The following EFCAB6 variants were observed in gnomAD, a reference collection of about 807,000 sequenced individuals.
The protein encoded by EFCAB6 is EF-hand calcium binding domain 6.
Under a neutral mutation model 169.8 loss-of-function variants are expected in EFCAB6, and 156 were observed. The observed-to-expected ratio is 0.92, with a 90% CI of 0.81 to 1.05. EFCAB6 has a LOEUF of 1.05. Ranked by LOEUF, EFCAB6 falls within the 50% of genes least tolerant of loss-of-function variation. The probability of loss-of-function intolerance (pLI) is 0.00; values close to 1 mark genes in which losing one functional copy is unlikely to be tolerated. For missense variants in EFCAB6, 1,800 were observed against 1,829.1 expected (o/e 0.98, Z 0.29); for synonymous variants, 698 against 676.4 (o/e 1.03, Z -0.50).
intron 17 of EFCAB6, among the ~76,000 whole-genome samples, chr22:43,665,569 G>A (rs1381800851): frequency 1.3e-5 from 2 of 152,294 alleles, no homozygotes; most frequent in Middle Eastern, 3.4e-3. Context: ...CGTAGCTCAG[G>A]GTGAAATAAA....
intron 3 of EFCAB6, among the ~76,000 whole-genome samples, chr22:43,779,034 G>GC (rs1428722142): frequency 1.3e-5 from 2 of 152,126 alleles, no homozygotes; most frequent in South Asian, 2.1e-4. Context: ...AAATATGTTG[G>GC]CAAGATGAAA....
intron 13 of EFCAB6, among the ~76,000 whole-genome samples, chr22:43,675,778 G>A (rs900760845): frequency 6.8e-6 from 1 of 148,084 alleles, no homozygotes; most frequent in African/African-American, 2.5e-5. Flanking sequence ...AATGTATGAT[G>A]TAATTATATA....
intron 20 of EFCAB6, among the ~76,000 whole-genome samples, chr22:43,620,678 C>T (rs972573861): frequency 2.0e-5 from 3 of 151,982 alleles, no homozygotes; most frequent in Non-Finnish European, 4.4e-5. Flanking sequence ...ATGGTAAATA[C>T]CTAGGAAATT....
intron 17 of EFCAB6, among the ~76,000 whole-genome samples, chr22:43,657,364 G>A (rs1249368627): frequency 6.6e-6 from 1 of 151,850 alleles, no homozygotes; most frequent in African/African-American, 2.4e-5. Context: ...AGGATAGACT[G>A]AAGTCATTTA....
intron 24 of EFCAB6, among the ~76,000 whole-genome samples, chr22:43,584,361 CT>C (rs1383391935): frequency 2.0e-5 from 3 of 152,162 alleles, no homozygotes; most frequent in Non-Finnish European, 4.4e-5. Flanking sequence ...ACATGGTAAT[CT>C]TGGCAAATTC....
At chr22:43,606,117 T>G (rs2052901868) in intron 22 of EFCAB6, among the ~76,000 whole-genome samples, 1 of 152,188 alleles carries the variant, frequency 6.6e-6, no homozygotes, top group African/African-American at 2.4e-5. Context: ...ACTGGACTTT[T>G]CTATGGCCTC....
intron 19 of EFCAB6, among the ~76,000 whole-genome samples, chr22:43,631,669 T>C (rs114634595): frequency 0.013 from 1,991 of 152,164 alleles, 76 homozygotes; most frequent in African/African-American, 0.046. Context: ...TGTCTGGGAT[T>C]AGACCGAGCT....
chr22:43,690,290 G>A (rs1030413041), intron 10 of EFCAB6, among the ~76,000 whole-genome samples: 156 of 147,680 alleles, frequency 1.1e-3, no homozygotes, highest in African/African-American at 3.5e-3. Context: ...ACGAGGTCAG[G>A]AGATCGAGAC....
intron 23 of EFCAB6, 92 bp downstream of exon 23, chr22:43,599,977 T>C: frequency 1.5e-6 from 2 of 1,346,720 alleles, no homozygotes; most frequent in African/African-American, 1.5e-5. Flanking sequence ...TTTGCCAGCA[T>C]GGGAAGGTAC....
At chr22:43,673,902 G>A (rs1389455780) in intron 13 of EFCAB6, among the ~76,000 whole-genome samples, 1 of 151,692 alleles carries the variant, frequency 6.6e-6, no homozygotes, top group Non-Finnish European at 1.5e-5. Flanking sequence ...GGGAGGCAGA[G>A]CTTGCAGTGA....
intron 17 of EFCAB6, among the ~76,000 whole-genome samples, chr22:43,644,633 A>C (rs1454440190): frequency 6.6e-6 from 1 of 152,250 alleles, no homozygotes; most frequent in African/African-American, 2.4e-5. Flanking sequence ...GCTAATAGCA[A>C]TCACAAAGTC....
At chr22:43,586,785 T>C (rs1360655966) in intron 24 of EFCAB6, among the ~76,000 whole-genome samples, 1 of 152,160 alleles carries the variant, frequency 6.6e-6, no homozygotes, top group Non-Finnish European at 1.5e-5. Context: ...GCCCTCGTTA[T>C]GAATGCACAC....
At chr22:43,667,552 T>A (rs1048388551) in intron 16 of EFCAB6, among the ~76,000 whole-genome samples, 2 of 152,080 alleles carry the variant, frequency 1.3e-5, no homozygotes, top group African/African-American at 2.4e-5. Flanking sequence ...AATATTATGG[T>A]CCTCGAGATT....
intron 8 of EFCAB6, among the ~76,000 whole-genome samples, chr22:43,718,934 G>A (rs1019489717): frequency 6.6e-6 from 1 of 152,212 alleles, no homozygotes; most frequent in Non-Finnish European, 1.5e-5. Flanking sequence ...CACAGAAGCG[G>A]GACCTGAAGT....
At chr22:43,808,047 C>T (rs990530496) in intron 2 of EFCAB6, among the ~76,000 whole-genome samples, 2 of 152,184 alleles carry the variant, frequency 1.3e-5, no homozygotes, top group Non-Finnish European at 2.9e-5. Context: ...CGTCCATATC[C>T]ATGGGTTCCA....
At chr22:43,602,080 G>T (rs896476475) in intron 22 of EFCAB6, among the ~76,000 whole-genome samples, 2 of 152,248 alleles carry the variant, frequency 1.3e-5, no homozygotes, top group Non-Finnish European at 2.9e-5. Flanking sequence ...TCTTCACCTG[G>T]CAAGGCCCTT....
At chr22:43,709,330 C>A (rs1425725468) in intron 10 of EFCAB6, among the ~76,000 whole-genome samples, 1 of 152,184 alleles carries the variant, frequency 6.6e-6, no homozygotes, top group Non-Finnish European at 1.5e-5. Flanking sequence ...GATCCACCTG[C>A]TTTGGCCTCC....
chr22:43,535,576 C>G (rs2047338405), intron 29 of EFCAB6: 1 of 152,270 alleles, frequency 6.6e-6, no homozygotes, highest in African/African-American at 2.4e-5. Flanking sequence ...GGCACTCATC[C>G]TCATGCCGCA....
At chr22:43,734,769 C>T (rs911803082) in intron 7 of EFCAB6, among the ~76,000 whole-genome samples, 1 of 151,974 alleles carries the variant, frequency 6.6e-6, no homozygotes, top group Non-Finnish European at 1.5e-5. Flanking sequence ...AAAAGAGAAA[C>T]AGATGCTATT....
Sources: allele counts gnomAD v4.1 joint callset (sites outside exome capture counted in the v4.1 genomes callset), GRCh38; gene constraint gnomAD v4.1.1; transcripts MANE v1.5; gene names NCBI Gene and HGNC (gene_info 2026-07-23, HGNC 2026-07-21).